The following ATRNL1 variants were observed in gnomAD, a reference collection of about 807,000 sequenced individuals.
ATRNL1 encodes the protein attractin-like protein 1.
In ATRNL1, 95 loss-of-function variants were observed where a neutral mutation model predicts 182.7. The observed-to-expected ratio is 0.52, with a 90% CI of 0.44 to 0.62. The LOEUF (loss-of-function observed/expected upper bound fraction) is 0.62, where lower values mean the gene tolerates loss of function less well. ATRNL1 is among the 20% of genes least tolerant of loss of function. The probability of loss-of-function intolerance (pLI) is 0.00; values close to 1 mark genes in which losing one functional copy is unlikely to be tolerated. For missense variants in ATRNL1, 1,471 were observed against 1,679.5 expected (o/e 0.88, Z 2.17); for synonymous variants, 576 against 568.3 (o/e 1.01, Z -0.19).
intron 26 of ATRNL1, among the ~76,000 whole-genome samples, chr10:115,701,946 A>G (rs887065895): frequency 2.0e-5 from 3 of 152,018 alleles, no homozygotes; most frequent in Non-Finnish European, 2.9e-5. Context: ...TAAGCATTCT[A>G]TGAAGCCAGC....
At chr10:115,869,506 T>C (rs543994052) in intron 28 of ATRNL1, among the ~76,000 whole-genome samples, 40 of 151,342 alleles carry the variant, frequency 2.6e-4, no homozygotes, top group South Asian at 1.1e-3. Flanking sequence ...GGGCCAGGGG[T>C]GTTGGGATAT....
intron 27 of ATRNL1, among the ~76,000 whole-genome samples, chr10:115,779,322 G>T (rs1949206213): frequency 6.6e-6 from 1 of 152,240 alleles, no homozygotes; most frequent in Non-Finnish European, 1.5e-5. Context: ...GATAGTGGAT[G>T]TAACTCAGCT....
chr10:115,480,286 A>G (rs1431981765), intron 24 of ATRNL1, among the ~76,000 whole-genome samples: 1 of 151,026 alleles, frequency 6.6e-6, no homozygotes, highest in Non-Finnish European at 1.5e-5. Flanking sequence ...GTTTTAACTT[A>G]TACATATGAT....
intron 13 of ATRNL1, among the ~76,000 whole-genome samples, chr10:115,280,053 T>C (rs1554916309): frequency 6.6e-6 from 1 of 152,228 alleles, no homozygotes; most frequent in Non-Finnish European, 1.5e-5. Context: ...ATTAGGGTGA[T>C]AAATTTCTCT....
intron 21 of ATRNL1, among the ~76,000 whole-genome samples, chr10:115,445,321 A>G (rs1008611035): frequency 5.4e-5 from 8 of 148,354 alleles, no homozygotes; most frequent in Admixed American, 2.1e-4. Flanking sequence ...AATCCCAGTT[A>G]CTCAGGAGCT....
chr10:115,786,000 C>T (rs1048182594), intron 27 of ATRNL1, among the ~76,000 whole-genome samples: 8 of 152,114 alleles, frequency 5.3e-5, no homozygotes, highest in African/African-American at 1.9e-4. Flanking sequence ...ATCAGAGGCA[C>T]CGCTAATGTT....
chr10:115,486,897 C>A (rs1554975273), intron 24 of ATRNL1, among the ~76,000 whole-genome samples: 1 of 152,066 alleles, frequency 6.6e-6, no homozygotes, highest in African/African-American at 2.4e-5. Context: ...TTTAATCTAC[C>A]TTTAGTTAAT....
intron 8 of ATRNL1, among the ~76,000 whole-genome samples, chr10:115,186,748 C>T (rs1554888827): frequency 6.6e-6 from 1 of 151,976 alleles, no homozygotes; most frequent in Non-Finnish European, 1.5e-5. Context: ...AGTATATATA[C>T]AATGAGTAAA....
chr10:115,294,981 G>A (rs1263922304), intron 15 of ATRNL1, among the ~76,000 whole-genome samples: 1 of 152,156 alleles, frequency 6.6e-6, no homozygotes, highest in South Asian at 2.1e-4. Flanking sequence ...AGTGGGTAGG[G>A]CAACTTGCAT....
At chr10:115,934,653 T>C (rs1420560684) in intron 28 of ATRNL1, among the ~76,000 whole-genome samples, 1 of 152,162 alleles carries the variant, frequency 6.6e-6, no homozygotes, top group Non-Finnish European at 1.5e-5. Flanking sequence ...CACATTCTTA[T>C]CTGGTTTCAA....
intron 27 of ATRNL1, among the ~76,000 whole-genome samples, chr10:115,735,652 GT>G (rs1947929414): frequency 6.6e-6 from 1 of 152,148 alleles, no homozygotes; most frequent in Non-Finnish European, 1.5e-5. Context: ...TTGAACACAA[GT>G]ACTATGATAC....
chr10:115,533,629 T>G (rs1380890993), intron 25 of ATRNL1, among the ~76,000 whole-genome samples: 6 of 152,148 alleles, frequency 3.9e-5, no homozygotes, highest in Admixed American at 2.0e-4. Context: ...TTTTAGTTAT[T>G]TCTTGCCTTC....
intron 15 of ATRNL1, among the ~76,000 whole-genome samples, chr10:115,297,551 A>G (rs1271824165): frequency 6.6e-6 from 1 of 151,532 alleles, no homozygotes; most frequent in Non-Finnish European, 1.5e-5. Context: ...AGGCCGAGGC[A>G]GGAGAATGGC....
chr10:115,145,882 A>G (rs1319999968), intron 5 of ATRNL1, among the ~76,000 whole-genome samples: 3 of 152,058 alleles, frequency 2.0e-5, no homozygotes, highest in Non-Finnish European at 4.4e-5. Flanking sequence ...AAATCCAGGT[A>G]CCTGTCTATT....
chr10:115,566,311 A>G (rs1319268318), intron 26 of ATRNL1, among the ~76,000 whole-genome samples: 4 of 152,158 alleles, frequency 2.6e-5, no homozygotes, highest in African/African-American at 9.7e-5. Flanking sequence ...ATCATTTAAC[A>G]TGAAACACGT....
At chr10:115,207,888 A>T (rs1050157365) in intron 8 of ATRNL1, among the ~76,000 whole-genome samples, 1 of 152,004 alleles carries the variant, frequency 6.6e-6, no homozygotes, top group South Asian at 2.1e-4. Flanking sequence ...GTTTCATGGA[A>T]TTACAGATTT....
intron 28 of ATRNL1, among the ~76,000 whole-genome samples, chr10:115,899,537 A>G (rs550467768): frequency 6.6e-5 from 10 of 152,154 alleles, no homozygotes; most frequent in African/African-American, 2.4e-4. Flanking sequence ...CAAACTCCCA[A>G]CCTCAGGTGA....
chr10:115,657,714 T>C (rs1344796667), intron 26 of ATRNL1, among the ~76,000 whole-genome samples: 3 of 152,134 alleles, frequency 2.0e-5, no homozygotes, highest in Admixed American at 6.5e-5. Context: ...ACGGCCACAC[T>C]GACACACACC....
intron 13 of ATRNL1, among the ~76,000 whole-genome samples, chr10:115,280,320 G>A (rs184736461): frequency 8.5e-5 from 13 of 152,252 alleles, no homozygotes; most frequent in Admixed American, 3.9e-4. Context: ...ATTCAGTTAC[G>A]TTGCCTGCAA....
Sources: gnomAD v4.1 joint callset for allele counts (sites outside exome capture counted in the v4.1 genomes callset) on GRCh38, gnomAD v4.1.1 for gene constraint, MANE v1.5 for transcripts, NCBI Gene and HGNC (gene_info 2026-07-23, HGNC 2026-07-21) for gene names.